The following FGD6 variants were observed in gnomAD, a reference collection of about 807,000 sequenced individuals.
FGD6 encodes the protein FYVE, RhoGEF and PH domain containing 6, also known as FYVE, RhoGEF and PH domain-containing protein 6.
Under a neutral mutation model 149.4 loss-of-function variants are expected in FGD6, and 90 were observed. The ratio of observed to expected loss-of-function variants is 0.60; its 90% CI spans 0.51 to 0.72. The LOEUF is 0.72. Ranked by LOEUF, FGD6 falls within the 30% of genes least tolerant of loss-of-function variation. The probability of loss-of-function intolerance (pLI) is 0.00; values close to 1 mark genes in which losing one functional copy is unlikely to be tolerated. For missense variants in FGD6, 1,437 were observed against 1,684.8 expected (o/e 0.85, Z 2.57); for synonymous variants, 527 against 584.0 (o/e 0.90, Z 1.41).
intron 2 of FGD6, among the ~76,000 whole-genome samples, chr12:95,194,514 C>A (rs1023818629): frequency 2.0e-5 from 3 of 152,228 alleles, no homozygotes; most frequent in Admixed American, 6.5e-5. Context: ...GGATTACAGG[C>A]GTGAGCCACC....
At chr12:95,170,450 T>C (rs963102499) in intron 3 of FGD6, among the ~76,000 whole-genome samples, 2 of 152,140 alleles carry the variant, frequency 1.3e-5, no homozygotes, top group Non-Finnish European at 2.9e-5. Context: ...GAGACCAGCC[T>C]GGCCAACATA....
chr12:95,210,807 A>T lies in FGD6; in HGVS notation c.477T>A (p.Cys159Ter). 1 of 1,613,808 alleles carries T rather than the reference A, an allele frequency of 6.2e-7. No homozygotes were observed. Among genetic ancestry groups the T allele is most frequent in the Non-Finnish European group, 8.5e-7 (1 of 1,179,952 alleles). The change falls in exon 2 of 21, where the codon TGT (cysteine) becomes TGA (stop). Residue 159 changes from cysteine (C) to a stop codon, truncating the protein, a stop_gained. Transcript: ENST00000343958. LOFTEE classifies it high-confidence loss of function. ...ETLTIKTRSKCDLYGEKAKNQ... is the reference protein window; with the variant it reads ...ETLTIKTRSK ...TCTTGGCTTTTTCACCATACAAATC[A>T]CATTTACTCCTAGTTTTTATAGTCA... is the stretch of plus-strand genomic sequence containing the variant.
At chr12:95,091,538 C>T (rs927456746) in intron 17 of FGD6, among the ~76,000 whole-genome samples, 169 bp downstream of exon 17, 1 of 152,196 alleles carries the variant, frequency 6.6e-6, no homozygotes, top group African/African-American at 2.4e-5. Context: ...TTCAGCCCAA[C>T]CTCTCCCAGA....
At chr12:95,146,511 T>C (rs1049220359) in intron 5 of FGD6, among the ~76,000 whole-genome samples, 1 of 152,144 alleles carries the variant, frequency 6.6e-6, no homozygotes, top group African/African-American at 2.4e-5. Flanking sequence ...AAAAGCTGGG[T>C]AAATAAAATA....
At chr12:95,081,581 A>G in intron 20 of FGD6, 25 bp from the exon 21 acceptor site, 1 of 1,579,842 alleles carries the variant, frequency 6.3e-7, no homozygotes, top group Non-Finnish European at 8.6e-7. Flanking sequence ...AATCGGTTAG[A>G]TTTGTAAAAC....
intron 6 of FGD6, 112 bp from the exon 7 acceptor site, chr12:95,137,790 G>A: frequency 2.9e-6 from 2 of 696,250 alleles, no homozygotes; most frequent in Non-Finnish European, 4.2e-6. Context: ...TTCTCTTCTT[G>A]TAAGACATAC....
chr12:95,086,015 G>A (rs1877852887), intron 18 of FGD6, 107 bp from the exon 19 acceptor site: 1 of 1,084,800 alleles, frequency 9.2e-7, no homozygotes, highest in African/African-American at 1.6e-5. Flanking sequence ...ATGATAGAAT[G>A]TTTCAGAATG....
intron 2 of FGD6, among the ~76,000 whole-genome samples, chr12:95,173,037 TACTCCTAGAATAA>T (rs1194780375): frequency 6.6e-6 from 1 of 152,230 alleles, no homozygotes; most frequent in East Asian, 1.9e-4. Context: ...ATCAGGTCTC[TACTCCTAGAATAA>T]ACTAAGAAGC....
chr12:95,107,090 A>T (rs1489495528), intron 12 of FGD6, 53 bp from the exon 13 acceptor site: 2 of 1,294,788 alleles, frequency 1.5e-6, no homozygotes, highest in African/African-American at 2.9e-5. Flanking sequence ...TTACTGCCAC[A>T]AAGATTTTGA....
intron 2 of FGD6, among the ~76,000 whole-genome samples, chr12:95,178,632 G>T (rs1881197262): frequency 6.6e-6 from 1 of 152,112 alleles, no homozygotes; most frequent in South Asian, 2.1e-4. Context: ...TCGAGAGGTT[G>T]CTTGATTAAA....
intron 5 of FGD6, among the ~76,000 whole-genome samples, chr12:95,144,157 A>G (rs1879938491): frequency 6.6e-6 from 1 of 152,228 alleles, no homozygotes; most frequent in African/African-American, 2.4e-5. Flanking sequence ...TGAACTGACC[A>G]GTGAGATGGC....
intron 2 of FGD6, among the ~76,000 whole-genome samples, chr12:95,187,154 A>ACCC (rs1479238572): frequency 6.7e-6 from 1 of 149,134 alleles, no homozygotes; most frequent in African/African-American, 2.5e-5. Context: ...ATACGGTGAA[A>ACCC]CCCCATCTCT....
rs866077303 is a variant in FGD6 at position 95,113,678 on chromosome 12, C to A, written c.3106G>T (p.Asp1036Tyr). Residue 1036 changes from aspartate (D) to tyrosine (Y), a missense_variant, in exon 9 of 21, where the codon GAT becomes TAT. Physicochemically the swap from Asp to Tyr is radical, Grantham distance 160. Coordinates refer to ENST00000343958, the MANE Select transcript of FGD6 (RefSeq NM_018351.4). ...LTDYLKNLIE[D>Y]AGDYRDTQDA... is the part of the protein sequence containing the mutation. Reference sequence around the variant, plus strand: ...TGAGTGTCTCTGTAATCTCCAGCATCTTCTATGAGATTCTTCAAATAATCT... The same window carrying A: ...TGAGTGTCTCTGTAATCTCCAGCATATTCTATGAGATTCTTCAAATAATCT... 1 of 1,593,472 alleles carries A rather than the reference C, an allele frequency of 6.3e-7. No individual in the cohort carries two copies. Among genetic ancestry groups the A allele is most frequent in the African/African-American group, 1.4e-5 (1 of 73,472 alleles).
chr12:95,147,794 T>G (rs915782759), intron 5 of FGD6, among the ~76,000 whole-genome samples: 1 of 152,232 alleles, frequency 6.6e-6, no homozygotes, highest in Non-Finnish European at 1.5e-5. Flanking sequence ...AACAGATAAT[T>G]GATGTAACAT....
intron 20 of FGD6, among the ~76,000 whole-genome samples, chr12:95,084,215 G>A (rs1019882285): frequency 2.0e-5 from 3 of 152,226 alleles, no homozygotes; most frequent in African/African-American, 7.2e-5. Flanking sequence ...CCTTTCAGCA[G>A]AGCAGCATCA....
rs528373990 is a variant in FGD6 at position 95,203,756 on chromosome 12, A to G, written c.2441+5087T>C. ...ATCATACTTTTTCTTTGAAATATTT[A>G]TAATAAGAACAAATTGAAACAACAC... On this transcript the variant is annotated intron_variant, in intron 2 of 20. Transcript: ENST00000343958. Among the ~76,000 whole-genome samples the G allele has an allele frequency of 2.0e-5, 3 of 152,354 alleles. No homozygotes were observed. The South Asian group carries it at 6.2e-4, about 32-fold the overall frequency.
chr12:95,200,900 G>C (rs900243515), intron 2 of FGD6, among the ~76,000 whole-genome samples: 1 of 151,858 alleles, frequency 6.6e-6, no homozygotes, highest in Non-Finnish European at 1.5e-5. Context: ...ATTAAAAAAA[G>C]GCCAGTACTT....
At chr12:95,115,866 G>C (rs564160665) in intron 8 of FGD6, among the ~76,000 whole-genome samples, 1 of 152,190 alleles carries the variant, frequency 6.6e-6, no homozygotes, top group Non-Finnish European at 1.5e-5. Context: ...CTAAGAGCCT[G>C]TGTGAGTCTA....
At chr12:95,115,311 C>T (rs372960633) in intron 8 of FGD6, among the ~76,000 whole-genome samples, 16 of 152,086 alleles carry the variant, frequency 1.1e-4, no homozygotes, top group African/African-American at 3.9e-4. Context: ...AATCATTGCT[C>T]ACTACAGCCT....
Sources: allele counts gnomAD v4.1 joint callset (sites outside exome capture counted in the v4.1 genomes callset), GRCh38; gene constraint gnomAD v4.1.1; transcripts MANE v1.5; gene names NCBI Gene and HGNC (gene_info 2026-07-23, HGNC 2026-07-21).